The following KCNG4 variants were observed in gnomAD, a reference collection of about 807,000 sequenced individuals.
KCNG4 encodes the protein voltage-gated potassium channel regulatory subunit KCNG4.
KCNG4 carries 30 observed loss-of-function variants against 28.2 expected under a neutral mutation model. The observed-to-expected ratio is 1.06, with a 90% CI of 0.80 to 1.44. The LOEUF (loss-of-function observed/expected upper bound fraction) is 1.44, where lower values mean the gene tolerates loss of function less well. Ranked by LOEUF, KCNG4 falls within the 40% of genes most tolerant of loss-of-function variation. The pLI is 0.00. For synonymous variants in KCNG4, 375 were observed against 315.5 expected, an observed-to-expected ratio of 1.19 and a Z score of -2.00; for missense variants, 879 against 712.3, an observed-to-expected ratio of 1.23 and a Z score of -2.66.
chr16:84,234,920 G>C (rs773108257), intron 2 of KCNG4, among the ~76,000 whole-genome samples: 1 of 152,124 alleles, frequency 6.6e-6, no homozygotes, highest in Admixed American at 6.5e-5. Flanking sequence ...TATCTAAACG[G>C]AAACACAGAC....
intron 2 of KCNG4, among the ~76,000 whole-genome samples, chr16:84,233,830 G>A (rs1325793916): frequency 5.3e-5 from 8 of 152,216 alleles, no homozygotes; most frequent in African/African-American, 1.9e-4. Flanking sequence ...TCAGTGTTGT[G>A]TAGTCATAGG....
chr16:84,239,169 G>C (rs1014799009), intron 1 of KCNG4, among the ~76,000 whole-genome samples: 1 of 151,952 alleles, frequency 6.6e-6, no homozygotes, highest in African/African-American at 2.4e-5. Context: ...GAGCCGGTTG[G>C]ATTCCGGTGG....
intron 2 of KCNG4, among the ~76,000 whole-genome samples, chr16:84,232,746 A>G (rs1370270521): frequency 6.6e-6 from 1 of 151,924 alleles, no homozygotes; most frequent in Admixed American, 6.6e-5. Flanking sequence ...AAAATGTACA[A>G]AAATTAGCCA....
rs889605375 is a variant in KCNG4, at chr16:84,219,485, T to A, written c.*2732A>T. On this transcript the variant is annotated 3_prime_UTR_variant, in exon 3 of 3. Transcript: ENST00000308251. ...GGCTCACGCCTGTAATCCCAGCACT[T>A]TGGGAGGCCGAGGCGGGCGGATCAC... The A allele has an allele frequency of 3.9e-5, 6 of 152,240 alleles. No homozygotes were observed. Among genetic ancestry groups the A allele is most frequent in the African/African-American group, 1.4e-4 (6 of 41,456 alleles). 9.4% of individuals were successfully genotyped at this position (152,240 alleles called of 1,614,324 possible). A position where few individuals can be genotyped will look rare whatever the true frequency, so the allele number is the denominator to read the frequency against.
chr16:84,239,225 C>T (rs1354109171), intron 1 of KCNG4, among the ~76,000 whole-genome samples: 1 of 152,228 alleles, frequency 6.6e-6, no homozygotes, highest in Non-Finnish European at 1.5e-5. Context: ...TTGCTCCCTA[C>T]ACAACATTCT....
Position 84,222,539 on chromosome 16 carries a change from A to G in KCNG4, c.1238T>C (p.Ile413Thr). The change falls in exon 3 of 3, where the codon ATC becomes ACC. Residue 413 changes from isoleucine (I) to threonine (T), a missense_variant. Ile to Thr is a moderately conservative substitution (Grantham distance 89). Coordinates refer to ENST00000308251, the MANE Select transcript of KCNG4 (RefSeq NM_172347.3). ...TSIPASYWWA[I>T]ISMTTVGYGD... Reference sequence around the variant, plus strand: ...GTAGCCCACCGTTGTCATGGAGATGATGGCCCACCAATAGGAGGCGGGGAT... The same window carrying G: ...GTAGCCCACCGTTGTCATGGAGATGGTGGCCCACCAATAGGAGGCGGGGAT... 1 of 1,613,574 alleles carries G rather than the reference A, an allele frequency of 6.2e-7. No individual in the cohort carries two copies. Among genetic ancestry groups the G allele is most frequent in the Non-Finnish European group, 8.5e-7 (1 of 1,179,970 alleles).
In KCNG4 at chr16:84,219,022, C is replaced by T. The variant is rs1369031008; in HGVS notation, c.*3195G>A. 1 of 152,262 alleles carries T rather than the reference C, an allele frequency of 6.6e-6. No individual in the cohort carries two copies. The highest frequency in any genetic ancestry group is 1.5e-5 in the Non-Finnish European group (1 of 68,072). The allele number at this position is 152,262 out of a possible 1,614,324, so 9.4% of individuals were successfully genotyped here. ...GTGGGGGCTGATGTGGGTCCCAGAC[C>T]TTCCAGTGGCTGTTTAGGCTTTGTC... is the stretch of plus-strand genomic sequence containing the variant. On this transcript the variant is annotated 3_prime_UTR_variant, in exon 3 of 3. Transcript: ENST00000308251.
chr16:84,237,353 G>T lies in KCNG4; in HGVS notation c.133C>A (p.Arg45=), dbSNP rs368012830. Residue 45 remains arginine, a synonymous_variant, in exon 2 of 3, where the codon CGG becomes AGG. Coordinates refer to ENST00000308251, the MANE Select transcript of KCNG4 (RefSeq NM_172347.3). Reference sequence around the variant, plus strand: ...GAGGCGTCCAGGGCACCCACCTTCCGCACCCTCCGGTAGTAAAGGCCCTTG... The same window carrying T: ...GAGGCGTCCAGGGCACCCACCTTCCTCACCCTCCGGTAGTAAAGGCCCTTG... The part of the protein sequence containing the change: ...SIKGLYYRRV[R]KVGALDASPV... 30 of 1,565,710 alleles carry T rather than the reference G, an allele frequency of 1.9e-5. No individual in the cohort carries two copies. Among genetic ancestry groups the T allele is most frequent in the Non-Finnish European group, 2.5e-5 (29 of 1,156,712 alleles).
chr16:84,231,726 G>A (rs989016013), intron 2 of KCNG4, among the ~76,000 whole-genome samples: 4 of 152,206 alleles, frequency 2.6e-5, no homozygotes, highest in East Asian at 3.9e-4. Context: ...AGTCGGGGTC[G>A]GGCGTGGTGG....
chr16:84,228,234 GA>G (rs1407267301), intron 2 of KCNG4, among the ~76,000 whole-genome samples: 1 of 152,210 alleles, frequency 6.6e-6, no homozygotes, highest in Non-Finnish European at 1.5e-5. Context: ...TGACCTTGGA[GA>G]CTTCCTCGCC....
Position 84,218,964 on chromosome 16 carries a change from A to G in KCNG4, c.*3253T>C, listed in dbSNP as rs1487415693. 2 of 152,230 alleles carry G rather than the reference A, an allele frequency of 1.3e-5. No individual in the cohort carries two copies. The highest frequency in any genetic ancestry group is 2.4e-5 in the African/African-American group (1 of 41,444). The allele number at this position is 152,230 out of a possible 1,614,324, so 9.4% of individuals were successfully genotyped here. On this transcript the variant is annotated 3_prime_UTR_variant, in exon 3 of 3. Coordinates refer to ENST00000308251, the MANE Select transcript of KCNG4 (RefSeq NM_172347.3). ...AGAAGTTTTCACCAGGCATGCGCACAAAATATGTCTTCGATGAGAAGGCAG... is the reference window on the plus strand; with the variant it reads ...AGAAGTTTTCACCAGGCATGCGCACGAAATATGTCTTCGATGAGAAGGCAG...
Position 84,222,096 on chromosome 16 carries a change from G to T in KCNG4, c.*121C>A. ...GCCTCTGTGGCCTTATGCCCCTCCA[G>T]CTTTGAAAGTCTTCCCTGGGCTCTA... On this transcript the variant is annotated 3_prime_UTR_variant, in exon 3 of 3. Coordinates refer to ENST00000308251, the MANE Select transcript of KCNG4 (RefSeq NM_172347.3). 2 of 1,114,194 alleles carry T rather than the reference G, an allele frequency of 1.8e-6. No homozygotes were observed. The highest frequency in any genetic ancestry group is 2.6e-6 in the Non-Finnish European group (2 of 761,704). The allele number at this position is 1,114,194 out of a possible 1,614,324, so 69.0% of individuals were successfully genotyped here.
rs1440387992 is a variant in KCNG4, at chr16:84,236,763, G to A, written c.723C>T (p.Ser241=). ...VATTAVSLCV[S]TMPDLRAEED... is the part of the protein sequence containing the mutation. ...CCTCTGCCCTGAGGTCGGGCATGGT[G>A]CTGACACACAGGCTGACGGCTGTGG... Residue 241 remains serine (S), a synonymous_variant, in exon 2 of 3, where the codon AGC becomes AGT. Transcript: ENST00000308251. 1 of 1,613,574 alleles carries A rather than the reference G, an allele frequency of 6.2e-7. No individual in the cohort carries two copies. Among genetic ancestry groups the A allele is most frequent in the Non-Finnish European group, 8.5e-7 (1 of 1,179,990 alleles).
intron 2 of KCNG4, among the ~76,000 whole-genome samples, chr16:84,229,103 C>T (rs974792721): frequency 1.3e-5 from 2 of 152,024 alleles, no homozygotes; most frequent in Non-Finnish European, 2.9e-5. Context: ...AGTTTGAGAC[C>T]AGCCTGGCCA....
chr16:84,221,058 C>G lies in KCNG4; in HGVS notation c.*1159G>C, dbSNP rs988416692. 1 of 152,504 alleles carries G rather than the reference C, an allele frequency of 6.6e-6. No individual in the cohort carries two copies. Among genetic ancestry groups the G allele is most frequent in the Non-Finnish European group, 1.5e-5 (1 of 68,260 alleles). The allele number at this position is 152,504 out of a possible 1,614,324, so 9.4% of individuals were successfully genotyped here. On this transcript the variant is annotated 3_prime_UTR_variant, in exon 3 of 3. Coordinates refer to ENST00000308251, the MANE Select transcript of KCNG4 (RefSeq NM_172347.3). ...AAGTCATTGCTCCTTCCTGCCTGCT[C>G]TCAGAATATGCTGGTTTATCTCCAG...
intron 1 of KCNG4, among the ~76,000 whole-genome samples, chr16:84,239,283 A>G (rs1905047114): frequency 6.6e-6 from 1 of 152,216 alleles, no homozygotes; most frequent in South Asian, 2.1e-4. Context: ...CCAGAGGAGG[A>G]TGAGGAGCCT....
chr16:84,228,960 G>A (rs1294603925), intron 2 of KCNG4, among the ~76,000 whole-genome samples: 2 of 152,256 alleles, frequency 1.3e-5, no homozygotes, highest in Non-Finnish European at 2.9e-5. Flanking sequence ...CGGGTTGGAT[G>A]GCTGACTTCT....
At chr16:84,235,616 C>T (rs542505419) in intron 2 of KCNG4, 1 of 152,274 alleles carries the variant, frequency 6.6e-6, no homozygotes, top group East Asian at 1.9e-4. Context: ...TGGGCTGGTT[C>T]TCCATTTAAG....
intron 1 of KCNG4, among the ~76,000 whole-genome samples, chr16:84,239,443 G>T (rs1344599579): frequency 6.6e-6 from 1 of 152,200 alleles, no homozygotes; most frequent in East Asian, 1.9e-4. Context: ...CCCCCAGCCT[G>T]GGGCTCCTTC....
Sources: gnomAD v4.1 joint callset for allele counts (sites outside exome capture counted in the v4.1 genomes callset) on GRCh38, gnomAD v4.1.1 for gene constraint, MANE v1.5 for transcripts, NCBI Gene and HGNC (gene_info 2026-07-23, HGNC 2026-07-21) for gene names.